The following FLT1 variants were observed in gnomAD, a reference collection of about 807,000 sequenced individuals.
The protein encoded by FLT1 is vascular endothelial growth factor receptor 1.
Under a neutral mutation model 156.3 loss-of-function variants are expected in FLT1, and 49 were observed. That is an observed-to-expected ratio of 0.31 (90% CI 0.25 to 0.40). The LOEUF is 0.40. Among genes scored for constraint, FLT1 ranks in the 10% least tolerant of loss-of-function variants. FLT1 has a pLI of 1.00. For synonymous variants in FLT1, 594 were observed against 583.8 expected (o/e 1.02, Z -0.25); for missense variants, 1,322 against 1,637.2 (o/e 0.81, Z 3.32).
At chr13:28,394,549 G>A (rs973997370) in intron 12 of FLT1, among the ~76,000 whole-genome samples, 9 of 152,152 alleles carry the variant, frequency 5.9e-5, no homozygotes, top group Non-Finnish European at 1.5e-5. Context: ...GCTAGCCAGA[G>A]GTTGGTGCTG....
intron 11 of FLT1, among the ~76,000 whole-genome samples, chr13:28,403,215 G>A (rs4771247): frequency 0.96 from 145,976 of 152,268 alleles, 70,183 homozygotes; most frequent in East Asian, 1. Context: ...TTTGTATGTG[G>A]TTATACAGAG....
chr13:28,460,899 T>C (rs1484414242), intron 3 of FLT1, among the ~76,000 whole-genome samples: 2 of 151,798 alleles, frequency 1.3e-5, no homozygotes, highest in African/African-American at 4.8e-5. Context: ...ACAAAAATAG[T>C]TTTACTAAAC....
chr13:28,314,199 C>T (rs1253924955), intron 25 of FLT1, among the ~76,000 whole-genome samples: 1 of 152,154 alleles, frequency 6.6e-6, no homozygotes, highest in Non-Finnish European at 1.5e-5. Context: ...ACCATCGTCT[C>T]CCCACAGGAT....
At chr13:28,385,278 A>G (rs1874292863) in intron 13 of FLT1, among the ~76,000 whole-genome samples, 1 of 152,244 alleles carries the variant, frequency 6.6e-6, no homozygotes, top group South Asian at 2.1e-4. Context: ...ATTTCAATAC[A>G]AAGGCTTTTG....
rs1871494181 is a variant in FLT1, at chr13:28,322,333, T to C, written c.2980A>G (p.Ile994Val). The change falls in exon 22 of 30, where the codon ATC becomes GTC. Residue 994 changes from isoleucine (I) to valine (V), a missense_variant. Ile to Val is a conservative substitution (Grantham distance 29). Transcript: ENST00000282397. The surrounding 1 kb of genome is among the most constrained non-coding windows in gnomAD (Gnocchi z 4.3). ...EDSDGFYKEPITMEDLISYSF... is the reference protein window; with the variant it reads ...EDSDGFYKEPVTMEDLISYSF... The stretch of plus-strand genomic sequence containing the variant: ...TAAGAAATCAGATCTTCCATAGTGA[T>C]GGGCTCCTTGTAGAAACCGTCAGAA... 2 of 1,612,728 alleles carry C rather than the reference T, an allele frequency of 1.2e-6. No individual in the cohort carries two copies. Among genetic ancestry groups the C allele is most frequent in the South Asian group, 2.2e-5 (2 of 91,052 alleles).
At chr13:28,424,687 G>C (rs1248105883) in intron 10 of FLT1, among the ~76,000 whole-genome samples, 1 of 152,154 alleles carries the variant, frequency 6.6e-6, no homozygotes, top group African/African-American at 2.4e-5. Flanking sequence ...GATATACATA[G>C]ATACGCCCTT....
At chr13:28,356,201 C>T (rs573182086) in intron 15 of FLT1, among the ~76,000 whole-genome samples, 1 of 152,210 alleles carries the variant, frequency 6.6e-6, no homozygotes, top group South Asian at 2.1e-4. Flanking sequence ...TATCACTGCT[C>T]TGTGTTTCTC....
chr13:28,396,003 T>C (rs1875021866), intron 12 of FLT1, among the ~76,000 whole-genome samples: 2 of 152,372 alleles, frequency 1.3e-5, no homozygotes, highest in Admixed American at 1.3e-4. Flanking sequence ...TGTATTTAAT[T>C]AGTCCAAATC....
At chr13:28,340,074 G>T (rs1872271256) in intron 16 of FLT1, among the ~76,000 whole-genome samples, 1 of 152,128 alleles carries the variant, frequency 6.6e-6, no homozygotes, top group Non-Finnish European at 1.5e-5. Flanking sequence ...AATTAGCTAG[G>T]TGTGGTGGTA....
rs138809517 is a variant in FLT1, at chr13:28,363,712, C to T, written c.2117-6027G>A. On this transcript the variant is annotated intron_variant, in intron 14 of 29. Transcript: ENST00000282397. ...CACTGCAACCTTTGCCTCCTGGGTT[C>T]AAGTGATTCTCCTCTCTCAGCCTCC... 9.8e-3 allele frequency among the ~76,000 whole-genome samples: 1,484 copies of T among 151,972 alleles called. 53 individuals carry two copies. Among genetic ancestry groups the T allele is most frequent in the Admixed American group, 0.06 (919 of 15,238 alleles).
chr13:28,385,681 T>A, intron 13 of FLT1: 1 of 988,296 alleles, frequency 1.0e-6, no homozygotes, highest in Non-Finnish European at 1.2e-6. Context: ...GTACAAATAT[T>A]GTATTTTATA....
At chr13:28,426,130 C>CTTTTTT (rs113958200) in intron 10 of FLT1, among the ~76,000 whole-genome samples, 99 of 131,122 alleles carry the variant, frequency 7.6e-4, no homozygotes, top group African/African-American at 2.6e-3. Flanking sequence ...TCCTGTCAAT[C>CTTTTTT]TTTTTTTTTT....
intron 3 of FLT1, among the ~76,000 whole-genome samples, chr13:28,458,162 G>A (rs1879374072): frequency 6.6e-6 from 1 of 151,922 alleles, no homozygotes; most frequent in African/African-American, 2.4e-5. Flanking sequence ...GTGACCCCAA[G>A]TCATCTGCCC....
intron 1 of FLT1, among the ~76,000 whole-genome samples, chr13:28,481,442 T>TACACAC (rs397687323): frequency 0.073 from 10,439 of 142,552 alleles, 406 homozygotes; most frequent in Non-Finnish European, 0.08. Context: ...CCTCCGCTTA[T>TACACAC]ACACACACAC....
chr13:28,350,339 T>C (rs2138864755), intron 15 of FLT1, among the ~76,000 whole-genome samples: 1 of 152,282 alleles, frequency 6.6e-6, no homozygotes, highest in Non-Finnish European at 1.5e-5. Flanking sequence ...TTGACCTGGT[T>C]GCACAGAGCA....
chr13:28,370,350 A>T (rs1873503804), intron 14 of FLT1, among the ~76,000 whole-genome samples: 1 of 152,210 alleles, frequency 6.6e-6, no homozygotes, highest in Admixed American at 6.5e-5. Flanking sequence ...TAGCATTAGG[A>T]GATATACCTA....
At chr13:28,353,401 C>T (rs1565982765) in intron 15 of FLT1, among the ~76,000 whole-genome samples, 2 of 151,588 alleles carry the variant, frequency 1.3e-5, no homozygotes, top group African/African-American at 2.4e-5. Context: ...GGTGAGACCC[C>T]GTCTCTACTA....
At chr13:28,379,783 T>G (rs1011962072) in intron 14 of FLT1, among the ~76,000 whole-genome samples, 3 of 152,226 alleles carry the variant, frequency 2.0e-5, no homozygotes, top group African/African-American at 7.2e-5. Context: ...TATAACACTT[T>G]CTTAAAACTG....
intron 10 of FLT1, among the ~76,000 whole-genome samples, chr13:28,424,551 A>G (rs1877230296): frequency 6.6e-6 from 1 of 152,214 alleles, no homozygotes; most frequent in African/African-American, 2.4e-5. Flanking sequence ...AAATAATTTG[A>G]GTTAGGTCTG....
Sources: allele counts gnomAD v4.1 joint callset (sites outside exome capture counted in the v4.1 genomes callset), GRCh38; gene constraint gnomAD v4.1.1; non-coding constraint Gnocchi (gnomAD v3.1); transcripts MANE v1.5; gene names NCBI Gene and HGNC (gene_info 2026-07-23, HGNC 2026-07-21).